The following SGCZ variants were observed in gnomAD, a reference collection of about 807,000 sequenced individuals.
SGCZ encodes the protein sarcoglycan zeta, also known as zeta-sarcoglycan.
Under a neutral mutation model 41.3 loss-of-function variants are expected in SGCZ, and 40 were observed. The observed-to-expected ratio is 0.97, with a 90% confidence interval of 0.75 to 1.26. The LOEUF (loss-of-function observed/expected upper bound fraction) is 1.26, where lower values mean the gene tolerates loss of function less well. Ranked by LOEUF, SGCZ falls within the 50% of genes most tolerant of loss-of-function variation. The probability of loss-of-function intolerance (pLI) is 0.00; values close to 1 mark genes in which losing one functional copy is unlikely to be tolerated. For missense variants in SGCZ, 552 were observed against 369.8 expected, an observed-to-expected ratio of 1.49 and a Z score of -4.04; for synonymous variants, 206 against 137.5, an observed-to-expected ratio of 1.50 and a Z score of -3.49.
At chr8:14,459,323 C>T (rs10101409) in intron 2 of SGCZ, among the ~76,000 whole-genome samples, 22 of 151,658 alleles carry the variant, frequency 1.5e-4, no homozygotes, top group African/African-American at 4.4e-4. Flanking sequence ...TGTTAAATGA[C>T]GAGTTAATGG....
At chr8:15,059,662 A>C (rs922643822) in intron 1 of SGCZ, among the ~76,000 whole-genome samples, 7 of 152,218 alleles carry the variant, frequency 4.6e-5, no homozygotes, top group African/African-American at 1.7e-4. Context: ...AATGATACTT[A>C]ACTTATATAT....
intron 1 of SGCZ, among the ~76,000 whole-genome samples, chr8:14,817,987 C>T (rs1020493466): frequency 6.6e-6 from 1 of 152,186 alleles, no homozygotes; most frequent in Non-Finnish European, 1.5e-5. Flanking sequence ...GATATGCCTG[C>T]AGGTACATTT....
At position 14,466,931 on chromosome 8, in the gene SGCZ, G is replaced by A. The variant is rs537286235; in HGVS notation, c.234+87801C>T. Among the ~76,000 whole-genome samples, 4 of 151,592 alleles carry A rather than the reference G, an allele frequency of 2.6e-5. No homozygotes were observed. The South Asian group carries it at 8.4e-4, about 32-fold the overall frequency. Reference sequence around the variant, plus strand: ...AGTGTATTAAAATCTTTGTCTCGTGGATCTGTCATCAGATTGTTTTCAAGA... The same window carrying A: ...AGTGTATTAAAATCTTTGTCTCGTGAATCTGTCATCAGATTGTTTTCAAGA... On this transcript the variant is annotated intron_variant, in intron 2 of 7. Transcript: ENST00000382080.
At chr8:14,919,339 G>A (rs1230458037) in intron 1 of SGCZ, among the ~76,000 whole-genome samples, 1 of 152,062 alleles carries the variant, frequency 6.6e-6, no homozygotes, top group Admixed American at 6.5e-5. Flanking sequence ...TACTCAGGGG[G>A]CTGAAGCAGG....
intron 1 of SGCZ, among the ~76,000 whole-genome samples, chr8:15,159,644 T>C (rs549573720): frequency 1.2e-3 from 187 of 152,154 alleles, no homozygotes; most frequent in African/African-American, 4.2e-3. Context: ...GTCTTCCCTG[T>C]TGACTGTTTT....
intron 7 of SGCZ, among the ~76,000 whole-genome samples, chr8:14,094,899 T>C (rs1273154877): frequency 6.6e-6 from 1 of 152,204 alleles, no homozygotes; most frequent in Non-Finnish European, 1.5e-5. Flanking sequence ...ATGAAGAGCT[T>C]TTTTTCATGT....
chr8:15,179,190 TATTA>T (rs1243592894), intron 1 of SGCZ, among the ~76,000 whole-genome samples: 1 of 152,182 alleles, frequency 6.6e-6, no homozygotes, highest in Non-Finnish European at 1.5e-5. Context: ...TAAAGATTCT[TATTA>T]ATTGATGAAG....
At chr8:14,674,941 T>TTC (rs1423309362) in intron 1 of SGCZ, among the ~76,000 whole-genome samples, 1 of 114,868 alleles carries the variant, frequency 8.7e-6, no homozygotes, top group Non-Finnish European at 1.7e-5. Context: ...TTTTTTTTTT[T>TTC]TTTTTTTTTT....
chr8:14,361,338 G>T (rs1185527394), intron 2 of SGCZ, among the ~76,000 whole-genome samples: 1 of 152,056 alleles, frequency 6.6e-6, no homozygotes, highest in Non-Finnish European at 1.5e-5. Context: ...CGTAGATTTG[G>T]TCTTTTCACA....
chr8:15,147,637 G>T (rs554539995), intron 1 of SGCZ, among the ~76,000 whole-genome samples: 2 of 152,098 alleles, frequency 1.3e-5, no homozygotes, highest in Non-Finnish European at 2.9e-5. Context: ...GGCAGGACAC[G>T]ATCCCTTATG....
At chr8:14,311,423 G>A (rs1801539634) in intron 3 of SGCZ, among the ~76,000 whole-genome samples, 1 of 152,094 alleles carries the variant, frequency 6.6e-6, no homozygotes, top group African/African-American at 2.4e-5. Context: ...CTACTGACAG[G>A]AGGATATGGG....
intron 1 of SGCZ, among the ~76,000 whole-genome samples, chr8:14,632,682 A>C (rs1028088702): frequency 6.6e-5 from 10 of 152,108 alleles, no homozygotes; most frequent in Admixed American, 2.0e-4. Flanking sequence ...TGATGTCTTA[A>C]CACACAATTC....
chr8:14,352,745 G>T (rs1054093842), intron 2 of SGCZ, among the ~76,000 whole-genome samples: 6 of 151,936 alleles, frequency 3.9e-5, no homozygotes, highest in African/African-American at 1.2e-4. Context: ...TTTTGCCTTG[G>T]TCATATAAAA....
intron 1 of SGCZ, among the ~76,000 whole-genome samples, chr8:15,084,168 A>G (rs1805864124): frequency 6.6e-6 from 1 of 152,166 alleles, no homozygotes; most frequent in South Asian, 2.1e-4. Context: ...TGACTGGCAT[A>G]TGTCTGTTAA....
intron 1 of SGCZ, among the ~76,000 whole-genome samples, chr8:14,910,933 C>T (rs1799263732): frequency 6.6e-6 from 1 of 151,948 alleles, no homozygotes; most frequent in Non-Finnish European, 1.5e-5. Flanking sequence ...TACTAACAAA[C>T]ATATTCTACA....
chr8:14,613,226 G>T (rs1805987440), intron 1 of SGCZ, among the ~76,000 whole-genome samples: 1 of 152,094 alleles, frequency 6.6e-6, no homozygotes, highest in African/African-American at 2.4e-5. Context: ...GTTTTAAATA[G>T]TATGAAAGTT....
chr8:14,625,928 CATTA>C (rs1281574267), intron 1 of SGCZ, among the ~76,000 whole-genome samples: 1 of 152,108 alleles, frequency 6.6e-6, no homozygotes, highest in Non-Finnish European at 1.5e-5. Context: ...AAATGGATTA[CATTA>C]ATTAATTTAC....
At chr8:14,684,927 T>C (rs1314285311) in intron 1 of SGCZ, among the ~76,000 whole-genome samples, 1 of 152,160 alleles carries the variant, frequency 6.6e-6, no homozygotes, top group African/African-American at 2.4e-5. Flanking sequence ...TGTTTAAACA[T>C]GCAGTGGCAT....
chr8:15,061,509 T>C (rs1264823226), intron 1 of SGCZ, among the ~76,000 whole-genome samples: 1 of 148,732 alleles, frequency 6.7e-6, no homozygotes, highest in East Asian at 2.0e-4. Context: ...TCTGCACATG[T>C]ATCCCAGAAC....
Sources: gnomAD v4.1 joint callset for allele counts (sites outside exome capture counted in the v4.1 genomes callset) on GRCh38, gnomAD v4.1.1 for gene constraint, MANE v1.5 for transcripts, NCBI Gene and HGNC (gene_info 2026-07-23, HGNC 2026-07-21) for gene names.